MEF2A: variants seen among roughly 807,000 people sequenced by gnomAD.
The protein encoded by MEF2A is myocyte enhancer factor 2A.
Under a neutral mutation model 55.8 loss-of-function variants are expected in MEF2A, and 28 were observed. The ratio of observed to expected loss-of-function variants is 0.50; its 90% confidence interval spans 0.37 to 0.69. The LOEUF is 0.69. Among genes scored for constraint, MEF2A ranks in the 30% least tolerant of loss-of-function variants. MEF2A has a pLI of 0.00. For missense variants in MEF2A, 528 were observed against 626.2 expected (o/e 0.84, Z 1.67); for synonymous variants, 239 against 227.1 (o/e 1.05, Z -0.47).
chr15:99,569,621 TTCTG>T (rs769860296), intron 1 of MEF2A, among the ~76,000 whole-genome samples: 5 of 152,216 alleles, frequency 3.3e-5, no homozygotes, highest in African/African-American at 7.2e-5. Context: ...CTTCAGTGAA[TTCTG>T]TCTTTTAGGG....
intron 2 of MEF2A, among the ~76,000 whole-genome samples, chr15:99,627,419 C>CAAAAAAAAAAAAA (rs139658538): frequency 1.2e-4 from 5 of 43,056 alleles, no homozygotes; most frequent in African/African-American, 5.5e-4. Context: ...GACTTTATCT[C>CAAAAAAAAAAAAA]AAAAAAAAAA....
At chr15:99,697,738 T>C (rs1459390334) in intron 8 of MEF2A, among the ~76,000 whole-genome samples, 1 of 152,158 alleles carries the variant, frequency 6.6e-6, no homozygotes, top group Admixed American at 6.5e-5. Context: ...TTCTAAAATA[T>C]ATAGGTAAAG....
intron 4 of MEF2A, among the ~76,000 whole-genome samples, chr15:99,655,950 A>G (rs1456692832): frequency 1.3e-5 from 2 of 152,102 alleles, no homozygotes; most frequent in Admixed American, 1.3e-4. Context: ...AAGACTGTAG[A>G]TCCTTTGAGG....
intron 3 of MEF2A, among the ~76,000 whole-genome samples, chr15:99,642,589 T>C (rs184030071): frequency 6.6e-6 from 1 of 152,322 alleles, no homozygotes; most frequent in African/African-American, 2.4e-5. Context: ...TTAGATCTGT[T>C]ATCTCTGACA....
At chr15:99,664,651 G>T (rs1333678889) in intron 4 of MEF2A, among the ~76,000 whole-genome samples, 1 of 152,070 alleles carries the variant, frequency 6.6e-6, no homozygotes, top group Non-Finnish European at 1.5e-5. Context: ...TATAAAATTT[G>T]GTATTCCATG....
At chr15:99,631,342 T>C (rs1168727007) in intron 2 of MEF2A, among the ~76,000 whole-genome samples, 1 of 152,198 alleles carries the variant, frequency 6.6e-6, no homozygotes, top group Non-Finnish European at 1.5e-5. Flanking sequence ...AAAAGAAATA[T>C]TCTACAACAC....
intron 10 of MEF2A, 136 bp from the exon 11 acceptor site, chr15:99,710,498 C>T (rs1050021511): frequency 1.8e-6 from 2 of 1,088,328 alleles, no homozygotes; most frequent in South Asian, 1.6e-5. Flanking sequence ...CCATCTTGGC[C>T]TCCCAAAGTG....
chr15:99,592,134 CT>C (rs1353375466), intron 1 of MEF2A, among the ~76,000 whole-genome samples: 1 of 151,894 alleles, frequency 6.6e-6, no homozygotes, highest in Non-Finnish European at 1.5e-5. Flanking sequence ...ACCTTTTGAG[CT>C]TGCTTTTACA....
chr15:99,675,996 C>T lies in MEF2A; in HGVS notation c.670+538C>T, dbSNP rs1174921375. Reference sequence around the variant, plus strand: ...CGGTGGTTGCAGTGAGCTGAGATCGCATCACTGCACTCCAGCCTGGGCGAT... The same window carrying T: ...CGGTGGTTGCAGTGAGCTGAGATCGTATCACTGCACTCCAGCCTGGGCGAT... On this transcript the variant is annotated intron_variant, in intron 7 of 11. Transcript: ENST00000557942. Among the ~76,000 whole-genome samples, 5 of 150,932 alleles carry T rather than the reference C, an allele frequency of 3.3e-5. No individual in the cohort carries two copies. In the East Asian group the frequency reaches 9.8e-4, roughly 30 times the overall value.
At chr15:99,615,338 T>A (rs2153224607) in intron 2 of MEF2A, among the ~76,000 whole-genome samples, 1 of 152,308 alleles carries the variant, frequency 6.6e-6, no homozygotes, top group South Asian at 2.1e-4. Context: ...CTTGAGTGCA[T>A]GTGTTGTGAG....
intron 1 of MEF2A, among the ~76,000 whole-genome samples, chr15:99,583,403 T>TTAGTAA (rs1479075092): frequency 6.6e-6 from 1 of 152,136 alleles, no homozygotes; most frequent in African/African-American, 2.4e-5. Flanking sequence ...CTTCGACACT[T>TTAGTAA]TACTAGATTG....
intron 1 of MEF2A, among the ~76,000 whole-genome samples, chr15:99,593,447 C>T (rs527645378): frequency 6.6e-6 from 1 of 152,142 alleles, no homozygotes; most frequent in African/African-American, 2.4e-5. Flanking sequence ...ATACCAGTTA[C>T]TACATCATGC....
intron 3 of MEF2A, among the ~76,000 whole-genome samples, chr15:99,635,934 G>A (rs914985453): frequency 5.9e-5 from 9 of 152,160 alleles, no homozygotes; most frequent in Non-Finnish European, 1.3e-4. Context: ...AAATAGGAGT[G>A]CGGTTGCTGA....
chr15:99,611,463 A>G (rs1977265973), intron 2 of MEF2A, among the ~76,000 whole-genome samples: 1 of 152,168 alleles, frequency 6.6e-6, no homozygotes, highest in Non-Finnish European at 1.5e-5. Context: ...CAGAATTAAA[A>G]CCACAGCAAG....
At chr15:99,633,549 C>G (rs930203352) in intron 3 of MEF2A, among the ~76,000 whole-genome samples, 2 of 152,054 alleles carry the variant, frequency 1.3e-5, no homozygotes, top group Middle Eastern at 3.4e-3. Flanking sequence ...TTATAATTAG[C>G]TAAGTTAACT....
intron 1 of MEF2A, among the ~76,000 whole-genome samples, chr15:99,579,764 T>C (rs903415395): frequency 2.0e-5 from 3 of 152,218 alleles, no homozygotes; most frequent in African/African-American, 7.2e-5. Flanking sequence ...TTTGTCAGTA[T>C]AGAGTAGTCC....
chr15:99,598,014 G>GA (rs1414274682), intron 1 of MEF2A, among the ~76,000 whole-genome samples: 2 of 152,106 alleles, frequency 1.3e-5, no homozygotes, highest in Non-Finnish European at 2.9e-5. Context: ...TTTTCTTGAT[G>GA]AAAACAATAT....
At chr15:99,583,438 G>A (rs1296615884) in intron 1 of MEF2A, among the ~76,000 whole-genome samples, 2 of 151,984 alleles carry the variant, frequency 1.3e-5, no homozygotes, top group Non-Finnish European at 2.9e-5. Context: ...TGCATATTTG[G>A]CCATTATGTG....
At chr15:99,709,024 G>A (rs1010990533) in intron 10 of MEF2A, among the ~76,000 whole-genome samples, 1 of 152,170 alleles carries the variant, frequency 6.6e-6, no homozygotes, top group South Asian at 2.1e-4. Flanking sequence ...AAGTAGAGGA[G>A]TGCCATGACC....
Sources: gnomAD v4.1 joint callset for allele counts (sites outside exome capture counted in the v4.1 genomes callset) on GRCh38, gnomAD v4.1.1 for gene constraint, MANE v1.5 for transcripts, NCBI Gene and HGNC (gene_info 2026-07-23, HGNC 2026-07-21) for gene names.